IL1RAP: variants seen among roughly 807,000 people sequenced by gnomAD.
IL1RAP encodes interleukin-1 receptor accessory protein.
Under a neutral mutation model 60.7 loss-of-function variants are expected in IL1RAP, and 35 were observed. That is an observed-to-expected ratio of 0.58 (90% CI 0.44 to 0.76). The LOEUF is 0.76. IL1RAP is among the 30% of genes least tolerant of loss of function. The probability of loss-of-function intolerance (pLI) is 0.00; values close to 1 mark genes in which losing one functional copy is unlikely to be tolerated. For synonymous variants in IL1RAP, 268 were observed against 250.9 expected (o/e 1.07, Z -0.64); for missense variants, 572 against 693.9 (o/e 0.82, Z 1.97).
chr3:190,591,728 A>G (rs889895919), intron 3 of IL1RAP, among the ~76,000 whole-genome samples: 4 of 152,216 alleles, frequency 2.6e-5, no homozygotes, highest in African/African-American at 9.7e-5. Context: ...AAAGAGAGCA[A>G]AAGCTGTTTG....
chr3:190,566,501 A>T (rs1254779159), intron 3 of IL1RAP, among the ~76,000 whole-genome samples: 3 of 152,066 alleles, frequency 2.0e-5, no homozygotes, highest in African/African-American at 7.2e-5. Context: ...CCCAGCCCCC[A>T]CCTCAAGTGC....
downstream of IL1RAP, among the ~76,000 whole-genome samples, chr3:190,654,190 T>TCACACACACACACACACACA (rs57074064): frequency 7.8e-5 from 11 of 140,414 alleles, no homozygotes; most frequent in South Asian, 2.4e-4. Flanking sequence ...AAACATCATA[T>TCACACACACACACACACACA]CACACACACA....
At position 190,649,857 on chromosome 3, in the gene IL1RAP, T is replaced by C. The variant is rs940976205; in HGVS notation, c.*1152T>C. 4.1e-6 allele frequency: 4 copies of C among 985,110 alleles called. No individual in the cohort carries two copies. The highest frequency in any genetic ancestry group is 1.1e-4 in the East Asian group (1 of 8,820). The allele number at this position is 985,110 out of a possible 1,614,324, so 61.0% of individuals were successfully genotyped here. On this transcript the variant is annotated 3_prime_UTR_variant, in exon 12 of 12. Coordinates refer to ENST00000447382, the MANE Select transcript of IL1RAP (RefSeq NM_002182.4). Reference sequence around the variant, plus strand: ...AAGTTGTTTTGTTTGTTTTCAGTAATATTTTGCTGTTTTTAAGACTTGGAA... The same window carrying C: ...AAGTTGTTTTGTTTGTTTTCAGTAACATTTTGCTGTTTTTAAGACTTGGAA...
In IL1RAP at chr3:190,650,834, AC is replaced by A; in HGVS notation, c.*2130del. 1.0e-6 allele frequency: 1 copy of A among 985,300 alleles called. No individual in the cohort carries two copies. The highest frequency in any genetic ancestry group is 4.7e-5 in the South Asian group (1 of 21,286). The allele number at this position is 985,300 out of a possible 1,614,324, so 61.0% of individuals were successfully genotyped here. A position where few individuals can be genotyped will look rare whatever the true frequency, so the allele number is the denominator to read the frequency against. On this transcript the variant is annotated 3_prime_UTR_variant, in exon 12 of 12. Transcript: ENST00000447382. ...GCTTTGAATATCAATTCTTACATAA[AC>A]TTTAGGCAAACAGGGAATAGTCTAG...
chr3:190,650,784 C>T lies in IL1RAP; in HGVS notation c.*2079C>T, dbSNP rs141059362. 4.4e-5 allele frequency: 43 copies of T among 983,910 alleles called. No homozygotes were observed. The African/African-American group carries it at 6.6e-4, about 15-fold the overall frequency. The allele number at this position is 983,910 out of a possible 1,614,324, so 60.9% of individuals were successfully genotyped here. A position where few individuals can be genotyped will look rare whatever the true frequency, so the allele number is the denominator to read the frequency against. Reference sequence around the variant, plus strand: ...CTCTATTAACCCTTCACTTACTAGACCAGAAAAGAACTTATTCCAGATAAG... The same window carrying T: ...CTCTATTAACCCTTCACTTACTAGATCAGAAAAGAACTTATTCCAGATAAG... On this transcript the variant is annotated 3_prime_UTR_variant, in exon 12 of 12. Transcript: ENST00000447382.
intron 5 of IL1RAP, among the ~76,000 whole-genome samples, chr3:190,615,990 C>T (rs530936394): frequency 4.6e-5 from 7 of 152,210 alleles, no homozygotes; most frequent in African/African-American, 1.4e-4. Flanking sequence ...GGATTTTCAA[C>T]CTTTAGTGTG....
intron 11 of IL1RAP, among the ~76,000 whole-genome samples, chr3:190,647,115 CT>C (rs1308059683): frequency 6.6e-6 from 1 of 152,082 alleles, no homozygotes; most frequent in Non-Finnish European, 1.5e-5. Context: ...CTTTTGCTTC[CT>C]TTTTTATTCT....
chr3:190,623,228 T>C (rs1731935815), intron 6 of IL1RAP, 116 bp from the exon 7 acceptor site: 1 of 762,218 alleles, frequency 1.3e-6, no homozygotes. Context: ...ATAGGCCTTC[T>C]CTAAAACAAC....
chr3:190,560,776 A>G (rs1313626536), intron 2 of IL1RAP, among the ~76,000 whole-genome samples: 1 of 152,212 alleles, frequency 6.6e-6, no homozygotes, highest in Non-Finnish European at 1.5e-5. Flanking sequence ...GAGAATGCAG[A>G]CGATAAAAAG....
intron 3 of IL1RAP, among the ~76,000 whole-genome samples, chr3:190,584,970 G>T (rs1252752418): frequency 6.6e-6 from 1 of 152,172 alleles, no homozygotes; most frequent in Admixed American, 6.5e-5. Flanking sequence ...TAGCTGGAAA[G>T]AGAATTCAGG....
intron 9 of IL1RAP, among the ~76,000 whole-genome samples, chr3:190,642,785 C>T (rs1733750167): frequency 6.6e-6 from 1 of 152,150 alleles, no homozygotes; most frequent in South Asian, 2.1e-4. Context: ...CCCTTTCCGT[C>T]TTATTCACCA....
chr3:190,584,320 C>T (rs529560221), intron 3 of IL1RAP, among the ~76,000 whole-genome samples: 7 of 152,286 alleles, frequency 4.6e-5, no homozygotes, highest in African/African-American at 1.4e-4. Context: ...ATGATTAAGG[C>T]TGCTGTAAAC....
Position 190,627,461 on chromosome 3 carries a change from G to GCCA in IL1RAP, c.902+13_902+15dup, listed in dbSNP as rs768318281. ...ACCATTAACGAAAGGTATCATGGGGGCCAGCAAGGGAGTGATTAACCTTTG... is the reference window on the plus strand; with the variant it reads ...ACCATTAACGAAAGGTATCATGGGGGCCACCAGCAAGGGAGTGATTAACCTTTG... On this transcript the variant is annotated intron_variant, in intron 8 of 11. Transcript: ENST00000447382. The GCCA allele has an allele frequency of 1.0e-5, 16 of 1,607,834 alleles. No individual in the cohort carries two copies. The highest frequency in any genetic ancestry group is 1.4e-5 in the Non-Finnish European group (16 of 1,177,822).
At chr3:190,631,441 AGAT>A (rs1560231119) in intron 9 of IL1RAP, among the ~76,000 whole-genome samples, 12 of 152,144 alleles carry the variant, frequency 7.9e-5, no homozygotes, top group African/African-American at 2.9e-4. Context: ...CCTCTAGACT[AGAT>A]GATCTGTGCT....
intron 3 of IL1RAP, among the ~76,000 whole-genome samples, chr3:190,583,558 T>C (rs1728188775): frequency 6.6e-6 from 1 of 152,214 alleles, no homozygotes; most frequent in Non-Finnish European, 1.5e-5. Flanking sequence ...GCTCTCTCTT[T>C]GAGCTCACAA....
intron 1 of IL1RAP, among the ~76,000 whole-genome samples, chr3:190,522,217 A>G (rs1181369959): frequency 1.3e-5 from 2 of 152,040 alleles, no homozygotes; most frequent in African/African-American, 4.8e-5. Context: ...AATTCTAGAT[A>G]CTGCATGCCT....
intron 3 of IL1RAP, among the ~76,000 whole-genome samples, chr3:190,603,524 A>C (rs1036651042): frequency 6.6e-6 from 1 of 152,220 alleles, no homozygotes; most frequent in Non-Finnish European, 1.5e-5. Flanking sequence ...TGAATTTTGA[A>C]GATGTACCAC....
chr3:190,555,501 C>T (rs1725338236), intron 1 of IL1RAP, among the ~76,000 whole-genome samples: 1 of 152,116 alleles, frequency 6.6e-6, no homozygotes, highest in South Asian at 2.1e-4. Flanking sequence ...TTTTTATAGC[C>T]AAAAGATTCA....
At chr3:190,573,211 T>C (rs1727147217) in intron 3 of IL1RAP, among the ~76,000 whole-genome samples, 1 of 152,166 alleles carries the variant, frequency 6.6e-6, no homozygotes, top group Admixed American at 6.5e-5. Context: ...TGGTGGAGAC[T>C]TAAAGCTTTG....
Sources: allele counts gnomAD v4.1 joint callset (sites outside exome capture counted in the v4.1 genomes callset), GRCh38; gene constraint gnomAD v4.1.1; transcripts MANE v1.5; gene names NCBI Gene and HGNC (gene_info 2026-07-23, HGNC 2026-07-21).